MMP24: variants seen among roughly 807,000 people sequenced by gnomAD.
MMP24 encodes the protein matrix metalloproteinase-24.
A neutral mutation model predicts 62.8 loss-of-function variants in MMP24; 25 were observed. The observed-to-expected ratio is 0.40, with a 90% confidence interval of 0.29 to 0.56. The LOEUF (loss-of-function observed/expected upper bound fraction) is 0.56, where lower values mean the gene tolerates loss of function less well. Among genes scored for constraint, MMP24 ranks in the 20% least tolerant of loss-of-function variants. MMP24 has a pLI of 0.50. For missense variants in MMP24, 634 were observed against 853.6 expected (o/e 0.74, Z 3.21); for synonymous variants, 319 against 350.5 (o/e 0.91, Z 1.00).
chr20:35,265,778 A>C (rs1302875551), intron 5 of MMP24, among the ~76,000 whole-genome samples: 1 of 152,044 alleles, frequency 6.6e-6, no homozygotes, highest in African/African-American at 2.4e-5. Flanking sequence ...TCTCAGTCAC[A>C]CTAAGAACTA....
intron 1 of MMP24, among the ~76,000 whole-genome samples, chr20:35,235,678 A>G (rs2060459508): frequency 6.6e-6 from 1 of 152,170 alleles, no homozygotes; most frequent in South Asian, 2.1e-4. Flanking sequence ...AGCCTGGGTG[A>G]CAAGAGCAAG....
At position 35,269,950 on chromosome 20, in the gene MMP24, C is replaced by A; in HGVS notation, c.1333+52C>A. The A allele has an allele frequency of 6.5e-7, 1 of 1,546,128 alleles. No homozygotes were observed. Among genetic ancestry groups the A allele is most frequent in the Non-Finnish European group, 8.7e-7 (1 of 1,143,378 alleles). ...TTCCCTGCCCAAGGTCTTGGGACCT[C>A]CTTTTTCCCATCTAAACTGGAAGAG... On this transcript the variant is annotated intron_variant, in intron 7 of 8. Coordinates refer to ENST00000246186, the MANE Select transcript of MMP24 (RefSeq NM_006690.4). The surrounding 1 kb of genome is among the most constrained non-coding windows in gnomAD (Gnocchi z 4.6).
intron 1 of MMP24, among the ~76,000 whole-genome samples, chr20:35,231,163 G>C (rs1474330349): frequency 6.6e-6 from 1 of 152,200 alleles, no homozygotes; most frequent in Non-Finnish European, 1.5e-5. Flanking sequence ...TTCTGAGGAA[G>C]ATCAGAACAG....
In MMP24 at chr20:35,276,398, C is replaced by G. The variant is rs1479003222; in HGVS notation, c.*1789C>G. ...TTATTAGCTCACACCTGTCCACTCA[C>G]ATGAAACTCGTGTTAGGCCCTGGGA... On this transcript the variant is annotated 3_prime_UTR_variant, in exon 9 of 9. Coordinates refer to ENST00000246186, the MANE Select transcript of MMP24 (RefSeq NM_006690.4). The G allele has an allele frequency of 2.5e-6, 1 of 398,264 alleles. No homozygotes were observed. The highest frequency in any genetic ancestry group is 4.4e-6 in the Non-Finnish European group (1 of 225,996). 24.7% of individuals were successfully genotyped at this position (398,264 alleles called of 1,614,324 possible). A position where few individuals can be genotyped will look rare whatever the true frequency, so the allele number is the denominator to read the frequency against.
At position 35,267,158 on chromosome 20, in the gene MMP24, G is replaced by C. The variant is rs1048255579; in HGVS notation, c.980-47G>C. ...GGTGATGCTGAGACTGGCAATGGGA[G>C]GCGGGAAACGGCTGCCCCCTCTCTA... On this transcript the variant is annotated intron_variant, in intron 5 of 8. Coordinates refer to ENST00000246186, the MANE Select transcript of MMP24 (RefSeq NM_006690.4). 5.5e-6 allele frequency: 8 copies of C among 1,462,202 alleles called. No individual in the cohort carries two copies. The African/African-American group carries it at 9.9e-5, about 18-fold the overall frequency. The allele number at this position is 1,462,202 out of a possible 1,614,324, so 90.6% of individuals were successfully genotyped here.
rs2060641680 is a variant in MMP24, at chr20:35,267,357, A to C, written c.1132A>C (p.Asn378His). 1 of 1,580,888 alleles carries C rather than the reference A, an allele frequency of 6.3e-7. No individual in the cohort carries two copies. The part of the protein sequence containing the change: ...DRPSTPGTKP[N>H]ICDGNFNTVA... ...GCCATCCACACCAGGCACCAAACCCAACATCTGTGACGGCAACTTCAACAC... is the reference window on the plus strand; with the variant it reads ...GCCATCCACACCAGGCACCAAACCCCACATCTGTGACGGCAACTTCAACAC... Residue 378 changes from asparagine to histidine, a missense_variant, in exon 6 of 9, where the codon AAC (asparagine) becomes CAC (histidine). Physicochemically the swap from Asn to His is moderately conservative, Grantham distance 68. Transcript: ENST00000246186.
At position 35,268,809 on chromosome 20, in the gene MMP24, T is replaced by C. The variant is rs8117532; in HGVS notation, c.1195-951T>C. Reference sequence around the variant, plus strand: ...TTGGGAGGCCAAGGAGGGCGGATCATAAGGTCAGGAGATCAAGACCATCCT... The same window carrying C: ...TTGGGAGGCCAAGGAGGGCGGATCACAAGGTCAGGAGATCAAGACCATCCT... On this transcript the variant is annotated intron_variant, in intron 6 of 8. Coordinates refer to ENST00000246186, the MANE Select transcript of MMP24 (RefSeq NM_006690.4). 4.9e-3 allele frequency among the ~76,000 whole-genome samples: 745 copies of C among 151,168 alleles called. 15 individuals carry two copies. Among genetic ancestry groups the C allele is most frequent in the African/African-American group, 0.014 (563 of 41,072 alleles).
intron 4 of MMP24, among the ~76,000 whole-genome samples, chr20:35,257,974 C>T (rs951431173): frequency 1.3e-5 from 2 of 152,098 alleles, no homozygotes; most frequent in Non-Finnish European, 2.9e-5. Flanking sequence ...GTTTAATTTC[C>T]ACATAGACTC....
intron 1 of MMP24, among the ~76,000 whole-genome samples, chr20:35,242,043 T>C (rs1014611024): frequency 3.9e-5 from 6 of 152,210 alleles, no homozygotes; most frequent in African/African-American, 1.2e-4. Flanking sequence ...AGCTTACATA[T>C]TAAAACATAA....
At chr20:35,248,957 TCA>T (rs2060530278) in intron 2 of MMP24, among the ~76,000 whole-genome samples, 1 of 152,116 alleles carries the variant, frequency 6.6e-6, no homozygotes, top group South Asian at 2.1e-4. Context: ...TGGATGGCGC[TCA>T]GAGAGTGGCA....
chr20:35,255,503 G>A (rs558150410), intron 4 of MMP24, among the ~76,000 whole-genome samples: 1 of 152,096 alleles, frequency 6.6e-6, no homozygotes, highest in South Asian at 2.1e-4. Flanking sequence ...TGGCATCCTT[G>A]GATAATTTAC....
chr20:35,244,886 C>A (rs528022281), intron 1 of MMP24, among the ~76,000 whole-genome samples: 1 of 152,080 alleles, frequency 6.6e-6, no homozygotes, highest in African/African-American at 2.4e-5. Context: ...AACAGGAAAG[C>A]ACAGAAAAGA....
At chr20:35,262,294 T>G (rs1443790992) in intron 4 of MMP24, among the ~76,000 whole-genome samples, 2 of 152,164 alleles carry the variant, frequency 1.3e-5, no homozygotes, top group Non-Finnish European at 2.9e-5. Context: ...TCCCTTAGTA[T>G]TTATTCATCA....
In MMP24 at chr20:35,228,556, T is replaced by C. The variant is rs192532298; in HGVS notation, c.246+1572T>C. On this transcript the variant is annotated intron_variant, in intron 1 of 8. Coordinates refer to ENST00000246186, the MANE Select transcript of MMP24 (RefSeq NM_006690.4). ...GGCTCTGATCTGACCTTGGCCCCCATTGGTTTGTGTGACCTTGAGCCATTT... is the reference window on the plus strand; with the variant it reads ...GGCTCTGATCTGACCTTGGCCCCCACTGGTTTGTGTGACCTTGAGCCATTT... Among the ~76,000 whole-genome samples the C allele has an allele frequency of 1.4e-3, 217 of 152,304 alleles. 1 individual carries two copies. The highest frequency in any genetic ancestry group is 2.4e-3 in the Admixed American group (37 of 15,298).
At chr20:35,257,407 C>G (rs552531395) in intron 4 of MMP24, among the ~76,000 whole-genome samples, 8 of 152,258 alleles carry the variant, frequency 5.3e-5, no homozygotes, top group Admixed American at 2.6e-4. Context: ...GAATGGCTGT[C>G]TGTGCTAACA....
At position 35,263,925 on chromosome 20, in the gene MMP24, G is replaced by A. The variant is rs867807473; in HGVS notation, c.952G>A (p.Asp318Asn). The A allele has an allele frequency of 4.3e-6, 7 of 1,610,696 alleles. No individual in the cohort carries two copies. The highest frequency in any genetic ancestry group is 5.9e-6 in the Non-Finnish European group (7 of 1,178,376). The change falls in exon 5 of 9, where the codon GAT (aspartate) becomes AAT (asparagine). Residue 318 changes from aspartate to asparagine, a missense_variant. Physicochemically the swap from Asp to Asn is conservative, Grantham distance 23. This residue lies in a region of MMP24 where 399 missense variants were observed against 530.8 expected (regional missense o/e 0.75). Coordinates refer to ENST00000246186, the MANE Select transcript of MMP24 (RefSeq NM_006690.4). Reference protein sequence around the residue: ...ETHNFKLPQDDLQGIQKIYGP... With the variant: ...ETHNFKLPQDNLQGIQKIYGP... Reference sequence around the variant, plus strand: ...GCACAACTTCAAGCTGCCCCAGGACGATCTCCAGGGCATCCAGAAGATCTA... The same window carrying A: ...GCACAACTTCAAGCTGCCCCAGGACAATCTCCAGGGCATCCAGAAGATCTA...
intron 4 of MMP24, among the ~76,000 whole-genome samples, chr20:35,259,752 C>T (rs563219771): frequency 3.3e-4 from 50 of 152,168 alleles, no homozygotes; most frequent in Admixed American, 2.6e-3. Flanking sequence ...CTTGAGTAGC[C>T]GAGTAGACTG....
At chr20:35,248,924 GT>G (rs1430684618) in intron 2 of MMP24, among the ~76,000 whole-genome samples, 1 of 152,184 alleles carries the variant, frequency 6.6e-6, no homozygotes, top group Non-Finnish European at 1.5e-5. Flanking sequence ...GTTTTACTCT[GT>G]TCCAAAAAGC....
intron 6 of MMP24, among the ~76,000 whole-genome samples, chr20:35,268,237 G>A (rs377430318): frequency 1.3e-5 from 2 of 152,302 alleles, no homozygotes; most frequent in South Asian, 2.1e-4. Flanking sequence ...CAGTGACTGA[G>A]GAGAGCTCTC....
Sources: gnomAD v4.1 joint callset for allele counts (sites outside exome capture counted in the v4.1 genomes callset) on GRCh38, gnomAD v4.1.1 for gene constraint, gnomAD v4.1.1 regional missense constraint, Gnocchi (gnomAD v3.1) non-coding constraint, MANE v1.5 for transcripts, NCBI Gene and HGNC (gene_info 2026-07-23, HGNC 2026-07-21) for gene names.